The following ARNT2 variants were observed in gnomAD, a reference collection of about 807,000 sequenced individuals.
The protein encoded by ARNT2 is aryl hydrocarbon receptor nuclear translocator 2, also known as ARNT protein 2.
In ARNT2, 36 loss-of-function variants were observed where a neutral mutation model predicts 91.7. The ratio of observed to expected loss-of-function variants is 0.39; its 90% CI spans 0.30 to 0.52. The LOEUF is 0.52. ARNT2 is among the 20% of genes least tolerant of loss of function. The probability of loss-of-function intolerance (pLI) is 0.72; values close to 1 mark genes in which losing one functional copy is unlikely to be tolerated. For synonymous variants in ARNT2, 365 were observed against 347.1 expected (o/e 1.05, Z -0.57); for missense variants, 775 against 939.3 (o/e 0.83, Z 2.29).
intron 1 of ARNT2, among the ~76,000 whole-genome samples, chr15:80,415,233 C>G (rs953452608): frequency 2.0e-5 from 3 of 152,352 alleles, no homozygotes; most frequent in Admixed American, 6.5e-5. Context: ...CCTGCTATGT[C>G]CCCTGTGGCA....
intron 1 of ARNT2, among the ~76,000 whole-genome samples, chr15:80,433,263 TTTTATTTTATTTTA>T (rs1310459940): frequency 4.1e-5 from 2 of 49,044 alleles, no homozygotes; most frequent in Non-Finnish European, 1.1e-4. Context: ...TTTTATTTTA[TTTTATTTTATTTTA>T]TTTTATTTTA....
intron 1 of ARNT2, among the ~76,000 whole-genome samples, chr15:80,408,080 T>G (rs59401457): frequency 0.31 from 47,814 of 152,120 alleles, 8,481 homozygotes; most frequent in East Asian, 0.61. Context: ...ATTATTGGAT[T>G]TTTTCCCCAC....
At chr15:80,554,988 A>G in intron 10 of ARNT2, 77 bp from the exon 11 acceptor site, 1 of 1,426,278 alleles carries the variant, frequency 7.0e-7, no homozygotes, top group Admixed American at 1.7e-5. Flanking sequence ...ATGGAAATGA[A>G]CACTGTTGTA....
chr15:80,465,515 G>A (rs551471627), intron 3 of ARNT2, among the ~76,000 whole-genome samples: 4 of 152,334 alleles, frequency 2.6e-5, no homozygotes, highest in Admixed American at 6.5e-5. Flanking sequence ...GACATTCCAC[G>A]TGTGTAGAGC....
intron 1 of ARNT2, among the ~76,000 whole-genome samples, chr15:80,435,194 C>A (rs775520033): frequency 6.6e-6 from 1 of 152,196 alleles, no homozygotes. Flanking sequence ...TGCCTGCCCT[C>A]GTCCTTTTCT....
intron 15 of ARNT2, among the ~76,000 whole-genome samples, chr15:80,578,856 A>G (rs189880236): frequency 3.3e-4 from 51 of 152,332 alleles, no homozygotes; most frequent in Middle Eastern, 3.4e-3. Flanking sequence ...AATTTCCTGT[A>G]TATCCGAAGG....
At chr15:80,585,738 G>A (rs1403463875) in intron 17 of ARNT2, among the ~76,000 whole-genome samples, 12 of 152,168 alleles carry the variant, frequency 7.9e-5, no homozygotes, top group Admixed American at 7.2e-4. Context: ...GTGCCCGCAG[G>A]TAAAACTGAC....
At chr15:80,474,920 A>G (rs1896778254) in intron 4 of ARNT2, 90 bp from the exon 5 acceptor site, 3 of 1,274,722 alleles carry the variant, frequency 2.4e-6, no homozygotes, top group Middle Eastern at 2.3e-4. Context: ...TATGCAGATA[A>G]AGGAAATTGA....
intron 1 of ARNT2, among the ~76,000 whole-genome samples, chr15:80,406,890 C>T (rs1301209685): frequency 1.3e-5 from 2 of 152,056 alleles, no homozygotes; most frequent in Non-Finnish European, 2.9e-5. Flanking sequence ...TATTATTGCC[C>T]CATGTGAATC....
At chr15:80,567,840 G>A (rs1185097774) in intron 12 of ARNT2, among the ~76,000 whole-genome samples, 4 of 152,192 alleles carry the variant, frequency 2.6e-5, no homozygotes, top group Non-Finnish European at 4.4e-5. Flanking sequence ...AAAGTCTACT[G>A]TGGACGGTAG....
intron 3 of ARNT2, among the ~76,000 whole-genome samples, chr15:80,458,267 A>G (rs1278106074): frequency 6.6e-6 from 1 of 152,184 alleles, no homozygotes; most frequent in East Asian, 1.9e-4. Flanking sequence ...GGGCTTTTTA[A>G]AAAGTATTTT....
At chr15:80,487,400 C>T (rs908748546) in intron 5 of ARNT2, among the ~76,000 whole-genome samples, 11 of 152,114 alleles carry the variant, frequency 7.2e-5, no homozygotes, top group African/African-American at 1.9e-4. Flanking sequence ...TCAGATGGGG[C>T]GCGTGGAGGG....
Position 80,442,856 on chromosome 15 carries a change from C to G in ARNT2, c.32-8024C>G, listed in dbSNP as rs181473152. ...ATACAGTGTAGGAGGATCAGGTGAC[C>G]AAGGTTTTTTAGAATTTTCCCTTTT... On this transcript the variant is annotated intron_variant, in intron 1 of 18. Transcript: ENST00000303329. 16 of 985,362 alleles carry G rather than the reference C, an allele frequency of 1.6e-5. No individual in the cohort carries two copies. In the African/African-American group the frequency reaches 2.8e-4, roughly 17 times the overall value. The allele number at this position is 985,362 out of a possible 1,614,324, so 61.0% of individuals were successfully genotyped here. A position where few individuals can be genotyped will look rare whatever the true frequency, so the allele number is the denominator to read the frequency against.
intron 18 of ARNT2, 63 bp from the exon 19 acceptor site, chr15:80,593,537 C>T: frequency 7.4e-7 from 1 of 1,349,308 alleles, no homozygotes; most frequent in Non-Finnish European, 1.0e-6. Context: ...GCTCCTGGGA[C>T]ATGCCCAGTG....
chr15:80,511,060 T>A (rs2141426159), intron 6 of ARNT2, among the ~76,000 whole-genome samples: 1 of 152,176 alleles, frequency 6.6e-6, no homozygotes, highest in African/African-American at 2.4e-5. Context: ...CATTCTGTTA[T>A]AAAGACATAT....
intron 16 of ARNT2, among the ~76,000 whole-genome samples, 182 bp downstream of exon 16, chr15:80,580,731 C>T (rs542388792): frequency 6.6e-6 from 1 of 152,270 alleles, no homozygotes; most frequent in Non-Finnish European, 1.5e-5. Context: ...AGCCAGGTGC[C>T]CAGCCTGCAA....
intron 14 of ARNT2, among the ~76,000 whole-genome samples, chr15:80,575,945 C>T (rs571461134): frequency 1.2e-4 from 19 of 152,318 alleles, no homozygotes; most frequent in South Asian, 2.1e-4. Context: ...CTGTAACAAA[C>T]GATAGCAAAC....
intron 6 of ARNT2, among the ~76,000 whole-genome samples, chr15:80,510,055 A>T (rs1022206097): frequency 3.3e-5 from 5 of 152,194 alleles, no homozygotes; most frequent in Non-Finnish European, 7.3e-5. Context: ...GTGGACAAAG[A>T]AGAAGGGTAG....
chr15:80,506,915 G>C (rs1487698513), intron 5 of ARNT2, among the ~76,000 whole-genome samples: 1 of 152,188 alleles, frequency 6.6e-6, no homozygotes, highest in Non-Finnish European at 1.5e-5. Context: ...GGACAAGGTG[G>C]AGAGGGGCTG....
Sources: allele counts gnomAD v4.1 joint callset (sites outside exome capture counted in the v4.1 genomes callset), GRCh38; gene constraint gnomAD v4.1.1; transcripts MANE v1.5; gene names NCBI Gene and HGNC (gene_info 2026-07-23, HGNC 2026-07-21).